GLI2: variants seen among roughly 807,000 people sequenced by gnomAD.
GLI2 encodes the protein GLI family zinc finger 2.
Under a neutral mutation model 78.9 loss-of-function variants are expected in GLI2, and 22 were observed. The observed-to-expected ratio is 0.28, with a 90% CI of 0.20 to 0.40. The LOEUF (loss-of-function observed/expected upper bound fraction) is 0.40, where lower values mean the gene tolerates loss of function less well. Ranked by LOEUF, GLI2 falls within the 10% of genes least tolerant of loss-of-function variation. The pLI is 1.00. For missense variants in GLI2, 2,097 were observed against 2,213.2 expected (o/e 0.95, Z 1.05); for synonymous variants, 974 against 963.7 (o/e 1.01, Z -0.20).
intron 4 of GLI2, among the ~76,000 whole-genome samples, chr2:120,953,279 T>G (rs2084234): frequency 0.79 from 120,562 of 152,008 alleles, 52,373 homozygotes; most frequent in East Asian, 1. Flanking sequence ...AGGAGAAGGC[T>G]ATGTGAAGTC....
In GLI2 at chr2:120,745,956, G is replaced by A. The variant is rs576796677; in HGVS notation, c.-31+9671G>A. On this transcript the variant is annotated intron_variant, in intron 1 of 13. Transcript: ENST00000361492. ...GAGAAGGGAGGTGGGATGTGGGCTG[G>A]TGCCATTTCCATCTCCTCTGGGTCT... Among the ~76,000 whole-genome samples the A allele has an allele frequency of 1.4e-4, 21 of 152,316 alleles. No homozygotes were observed. In the South Asian group the frequency reaches 4.3e-3, roughly 32 times the overall value.
At chr2:120,823,616 A>G (rs1184580541) in intron 2 of GLI2, among the ~76,000 whole-genome samples, 1 of 152,190 alleles carries the variant, frequency 6.6e-6, no homozygotes, top group Non-Finnish European at 1.5e-5. Flanking sequence ...GCCTGGGGAC[A>G]TCTATGGAAT....
At chr2:120,808,512 A>G (rs927492411) in intron 2 of GLI2, among the ~76,000 whole-genome samples, 3 of 152,164 alleles carry the variant, frequency 2.0e-5, no homozygotes, top group Non-Finnish European at 4.4e-5. Context: ...TCAGGGAGGG[A>G]AGAAAAACTT....
chr2:120,894,996 C>A (rs1265176204), intron 2 of GLI2, among the ~76,000 whole-genome samples: 1 of 152,216 alleles, frequency 6.6e-6, no homozygotes, highest in Non-Finnish European at 1.5e-5. Context: ...TGTACCCGGC[C>A]CAGTATGGTT....
chr2:120,769,713 G>C, intron 1 of GLI2, among the ~76,000 whole-genome samples: 1 of 152,234 alleles, frequency 6.6e-6, no homozygotes, highest in East Asian at 1.9e-4. Context: ...GTAGGGGTGT[G>C]TCTGTGACTG....
intron 2 of GLI2, among the ~76,000 whole-genome samples, chr2:120,858,241 G>A (rs1306781717): frequency 3.9e-5 from 6 of 152,114 alleles, no homozygotes; most frequent in Non-Finnish European, 8.8e-5. Context: ...TAAGCTTTCC[G>A]AGTCTCAGTG....
chr2:120,853,097 G>A (rs1047829673), intron 2 of GLI2, among the ~76,000 whole-genome samples: 23 of 152,206 alleles, frequency 1.5e-4, no homozygotes, highest in African/African-American at 4.8e-4. Context: ...TGCAAGGCGA[G>A]TGAAGGCCAG....
chr2:120,870,167 C>T (rs1688355996), intron 2 of GLI2, among the ~76,000 whole-genome samples: 1 of 152,182 alleles, frequency 6.6e-6, no homozygotes, highest in African/African-American at 2.4e-5. Context: ...CCTGCCACAC[C>T]CAGCCCAGGA....
At chr2:120,932,880 G>A (rs1178493411) in intron 3 of GLI2, among the ~76,000 whole-genome samples, 10 of 152,198 alleles carry the variant, frequency 6.6e-5, no homozygotes, top group Admixed American at 6.5e-4. Context: ...CACAGAAGGT[G>A]GGGGATGGGG....
intron 5 of GLI2, among the ~76,000 whole-genome samples, chr2:120,961,325 A>C (rs1003679334): frequency 6.6e-5 from 10 of 152,186 alleles, no homozygotes; most frequent in Non-Finnish European, 1.2e-4. Context: ...GAGCTGGTAG[A>C]GGGGCTGCCA....
intron 2 of GLI2, among the ~76,000 whole-genome samples, chr2:120,902,322 C>T (rs554097111): frequency 2.6e-5 from 4 of 151,510 alleles, no homozygotes; most frequent in African/African-American, 9.7e-5. Context: ...ATAAGAAAAG[C>T]CTAGGGTCCA....
intron 2 of GLI2, among the ~76,000 whole-genome samples, chr2:120,825,115 T>G (rs374431591): frequency 1.3e-5 from 2 of 152,312 alleles, no homozygotes; most frequent in South Asian, 2.1e-4. Flanking sequence ...TGTGAGCCAT[T>G]GTGCCTGGCC....
In GLI2 at chr2:120,909,820, A is replaced by G. The variant is rs192165830; in HGVS notation, c.149-17541A>G. On this transcript the variant is annotated intron_variant, in intron 2 of 13. Transcript: ENST00000361492. ...GCGGAGCTTGCAGTGAGCTGAGATC[A>G]CGCCACTGCACTCCGGCCTGGGCGA... 3.5e-4 allele frequency among the ~76,000 whole-genome samples: 53 copies of G among 152,280 alleles called. No homozygotes were observed. In the East Asian group the frequency reaches 4.4e-3, roughly 13 times the overall value.
chr2:120,914,011 C>T (rs1335181280), intron 2 of GLI2, among the ~76,000 whole-genome samples: 2 of 152,200 alleles, frequency 1.3e-5, no homozygotes, highest in Non-Finnish European at 2.9e-5. Context: ...TTGGGCTCTG[C>T]AGGGAAGGGG....
chr2:120,944,509 G>T lies in GLI2; in HGVS notation c.255-6734G>T, dbSNP rs201467631. 2.4e-4 allele frequency among the ~76,000 whole-genome samples: 36 copies of T among 152,300 alleles called. No individual in the cohort carries two copies. The East Asian group carries it at 3.3e-3, about 14-fold the overall frequency. On this transcript the variant is annotated intron_variant, in intron 3 of 13. Coordinates refer to ENST00000361492, the MANE Select transcript of GLI2 (RefSeq NM_001374353.1). ...AGTCCAGATTCTGCTTATCAGTGGG[G>T]GTGGCCCCCTCAGTCTGCACTGCCC...
At chr2:120,790,075 T>C (rs1215721912) in intron 1 of GLI2, among the ~76,000 whole-genome samples, 1 of 152,216 alleles carries the variant, frequency 6.6e-6, no homozygotes, top group Non-Finnish European at 1.5e-5. Context: ...AAGAGGACCC[T>C]TCTTCCTCTG....
chr2:120,812,483 G>A (rs1416134438), intron 2 of GLI2, among the ~76,000 whole-genome samples: 11 of 152,194 alleles, frequency 7.2e-5, no homozygotes, highest in African/African-American at 2.2e-4. Context: ...GCCGGATTAC[G>A]ATCCACAGGG....
chr2:120,757,495 G>A (rs1441117825), intron 1 of GLI2, among the ~76,000 whole-genome samples: 1 of 152,150 alleles, frequency 6.6e-6, no homozygotes, highest in African/African-American at 2.4e-5. Context: ...AGTCTGGCTG[G>A]TGGGCATAGG....
At chr2:120,881,614 G>C (rs1184331346) in intron 2 of GLI2, among the ~76,000 whole-genome samples, 4 of 80,438 alleles carry the variant, frequency 5.0e-5, no homozygotes, top group African/African-American at 2.0e-4. Context: ...TGGCGGGGGG[G>C]AGGACAGGTG....
Sources: gnomAD v4.1 joint callset for allele counts (sites outside exome capture counted in the v4.1 genomes callset) on GRCh38, gnomAD v4.1.1 for gene constraint, MANE v1.5 for transcripts, NCBI Gene and HGNC (gene_info 2026-07-23, HGNC 2026-07-21) for gene names.